ADGRB3: variants seen among roughly 807,000 people sequenced by gnomAD.
ADGRB3 encodes adhesion G protein-coupled receptor B3, also known as brain-specific angiogenesis inhibitor 3.
A neutral mutation model predicts 193.4 loss-of-function variants in ADGRB3; 37 were observed. The ratio of observed to expected loss-of-function variants is 0.19; its 90% CI spans 0.15 to 0.25. The LOEUF (loss-of-function observed/expected upper bound fraction) is 0.25, where lower values mean the gene tolerates loss of function less well. Ranked by LOEUF, ADGRB3 falls within the 10% of genes least tolerant of loss-of-function variation. The probability of loss-of-function intolerance (pLI) is 1.00; values close to 1 mark genes in which losing one functional copy is unlikely to be tolerated. For missense variants in ADGRB3, 1,637 were observed against 1,852.9 expected (o/e 0.88, Z 2.14); for synonymous variants, 690 against 644.2 (o/e 1.07, Z -1.08).
chr6:68,948,480 T>C (rs1767831519), intron 6 of ADGRB3, among the ~76,000 whole-genome samples: 1 of 152,166 alleles, frequency 6.6e-6, no homozygotes, highest in Non-Finnish European at 1.5e-5. Context: ...ATTAAAATTA[T>C]ATAGATATAT....
At chr6:69,308,353 CA>C (rs1157579167) in intron 20 of ADGRB3, among the ~76,000 whole-genome samples, 1 of 151,352 alleles carries the variant, frequency 6.6e-6, no homozygotes, top group African/African-American at 2.4e-5. Context: ...CCACAGTTTA[CA>C]AATATCGTTT....
At chr6:68,881,604 C>G (rs1244691494) in intron 3 of ADGRB3, among the ~76,000 whole-genome samples, 1 of 152,076 alleles carries the variant, frequency 6.6e-6, no homozygotes, top group Non-Finnish European at 1.5e-5. Flanking sequence ...AAAAGCCAAC[C>G]ATTCAAGCCA....
chr6:69,203,489 G>A lies in ADGRB3; in HGVS notation c.2481-29801G>A, dbSNP rs1401308450. 1.1e-4 allele frequency among the ~76,000 whole-genome samples: 17 copies of A among 151,002 alleles called. No individual in the cohort carries two copies. In the East Asian group the frequency reaches 3.3e-3, roughly 29 times the overall value. ...CTTACCCATATTTAATTATACTAAG[G>A]CTTCAGACATGCTATGAATTATTGG... is the stretch of plus-strand genomic sequence containing the variant. On this transcript the variant is annotated intron_variant, in intron 17 of 31. Transcript: ENST00000370598.
chr6:69,216,604 T>C (rs1765777122), intron 17 of ADGRB3, among the ~76,000 whole-genome samples: 1 of 152,098 alleles, frequency 6.6e-6, no homozygotes, highest in African/African-American at 2.4e-5. Context: ...CACTGGGCTA[T>C]CTCCAGAGCA....
rs566237624 is a variant in ADGRB3, at chr6:69,062,275, G to T, written c.2334-659G>T. Among the ~76,000 whole-genome samples the T allele has an allele frequency of 2.6e-5, 4 of 151,794 alleles. No homozygotes were observed. The South Asian group carries it at 6.2e-4, about 24-fold the overall frequency. ...GGTAGATAATTTCTTGTAAACTATA[G>T]ATATGATTTTCTTAAAATAACTTAA... On this transcript the variant is annotated intron_variant, in intron 15 of 31. Transcript: ENST00000370598.
intron 3 of ADGRB3, among the ~76,000 whole-genome samples, chr6:68,925,175 A>T (rs13197534): frequency 6.6e-6 from 1 of 151,742 alleles, no homozygotes; most frequent in Non-Finnish European, 1.5e-5. Flanking sequence ...ATCAAATGAG[A>T]GAATACAATT....
At chr6:68,766,948 ATTG>A (rs937612470) in intron 3 of ADGRB3, among the ~76,000 whole-genome samples, 11 of 152,084 alleles carry the variant, frequency 7.2e-5, no homozygotes, top group Non-Finnish European at 1.3e-4. Context: ...CTCAAAAAAA[ATTG>A]TTATTACACT....
intron 17 of ADGRB3, among the ~76,000 whole-genome samples, chr6:69,144,705 C>T (rs1397652927): frequency 6.6e-6 from 1 of 152,058 alleles, no homozygotes; most frequent in Non-Finnish European, 1.5e-5. Context: ...TATAATGTAT[C>T]ATACTGATTG....
At chr6:68,875,750 T>C (rs75425817) in intron 3 of ADGRB3, among the ~76,000 whole-genome samples, 3,681 of 152,170 alleles carry the variant, frequency 0.024, 75 homozygotes, top group Middle Eastern at 0.048. Flanking sequence ...TAAAAACAAA[T>C]GACCTTACTT....
At chr6:69,348,153 G>A (rs920498141) in intron 26 of ADGRB3, among the ~76,000 whole-genome samples, 4 of 152,172 alleles carry the variant, frequency 2.6e-5, no homozygotes, top group African/African-American at 9.7e-5. Context: ...GTTAACAAGA[G>A]TATGAAATAA....
intron 3 of ADGRB3, among the ~76,000 whole-genome samples, chr6:68,923,212 C>T (rs182534508): frequency 1.6e-3 from 250 of 152,074 alleles, no homozygotes; most frequent in African/African-American, 5.9e-3. Context: ...TAAAACATGA[C>T]CAGAACTACT....
At chr6:69,267,936 A>G (rs1767083485) in intron 20 of ADGRB3, among the ~76,000 whole-genome samples, 1 of 152,084 alleles carries the variant, frequency 6.6e-6, no homozygotes, top group Non-Finnish European at 1.5e-5. Flanking sequence ...CTAGCAATTC[A>G]GTGAACTTTT....
Position 69,387,843 on chromosome 6 carries a change from G to C in ADGRB3, c.4381-860G>C, listed in dbSNP as rs181053126. 1.2e-3 allele frequency among the ~76,000 whole-genome samples: 181 copies of C among 152,068 alleles called. 1 individual carries two copies. The highest frequency in any genetic ancestry group is 7.7e-4 in the East Asian group (4 of 5,166). ...GGTAATTGATTATAATCAGTTAAAC[G>C]CCAGATTTGGGGAGCAGGGAAGGCT... On this transcript the variant is annotated intron_variant, in intron 31 of 31. Transcript: ENST00000370598.
rs542675976 is a variant in ADGRB3 at position 69,112,884 on chromosome 6, A to C, written c.2480+36846A>C. On this transcript the variant is annotated intron_variant, in intron 17 of 31. Transcript: ENST00000370598. ...GCGATTCTCCTGCCTCTGCCTCCTG[A>C]GTAGCTGGGATTACAGGCAAGCAAC... Among the ~76,000 whole-genome samples, 3 of 152,002 alleles carry C rather than the reference A, an allele frequency of 2.0e-5. No individual in the cohort carries two copies. The South Asian group carries it at 6.2e-4, about 32-fold the overall frequency.
intron 3 of ADGRB3, among the ~76,000 whole-genome samples, chr6:68,841,358 A>C (rs965851174): frequency 1.3e-5 from 2 of 152,172 alleles, no homozygotes; most frequent in African/African-American, 2.4e-5. Flanking sequence ...AAGCCACAAA[A>C]CAAGTCTGGA....
At chr6:69,338,362 G>A (rs1265953708) in intron 24 of ADGRB3, among the ~76,000 whole-genome samples, 1 of 152,118 alleles carries the variant, frequency 6.6e-6, no homozygotes, top group Non-Finnish European at 1.5e-5. Context: ...ATCCTAAAAT[G>A]TGGACGATAC....
chr6:68,692,738 A>G (rs1030479664), intron 3 of ADGRB3, among the ~76,000 whole-genome samples: 5 of 151,524 alleles, frequency 3.3e-5, no homozygotes, highest in African/African-American at 4.8e-5. Flanking sequence ...AGTTATTTAT[A>G]TAATATAAAA....
chr6:68,920,649 A>G (rs563398594), intron 3 of ADGRB3, among the ~76,000 whole-genome samples: 3 of 152,082 alleles, frequency 2.0e-5, no homozygotes, highest in Non-Finnish European at 4.4e-5. Context: ...TGAGAAAAAA[A>G]ACTTAACCCT....
chr6:69,308,274 A>T (rs1262579816), intron 20 of ADGRB3, among the ~76,000 whole-genome samples: 1 of 151,472 alleles, frequency 6.6e-6, no homozygotes, highest in Non-Finnish European at 1.5e-5. Context: ...AATAGTAATT[A>T]CACTTACCTT....
Sources: gnomAD v4.1 joint callset for allele counts (sites outside exome capture counted in the v4.1 genomes callset) on GRCh38, gnomAD v4.1.1 for gene constraint, MANE v1.5 for transcripts, NCBI Gene and HGNC (gene_info 2026-07-23, HGNC 2026-07-21) for gene names.